Variants in NFATC1 observed in about 807,000 individuals in gnomAD.
NFATC1 encodes nuclear factor of activated T cells 1.
Under a neutral mutation model 76.0 loss-of-function variants are expected in NFATC1, and 22 were observed. That is an observed-to-expected ratio of 0.29 (90% confidence interval 0.21 to 0.41). NFATC1 has a LOEUF of 0.41. Among genes scored for constraint, NFATC1 ranks in the 10% least tolerant of loss-of-function variants. NFATC1 has a pLI of 1.00. For missense variants in NFATC1, 1,357 were observed against 1,337.7 expected (o/e 1.01, Z -0.23); for synonymous variants, 704 against 613.1 (o/e 1.15, Z -2.19).
chr18:79,404,341 TG>T (rs1471592619), intron 1 of NFATC1, among the ~76,000 whole-genome samples: 1 of 152,208 alleles, frequency 6.6e-6, no homozygotes, highest in Non-Finnish European at 1.5e-5. Flanking sequence ...GGCAGATTGT[TG>T]GGGGAACGGC....
At chr18:79,430,756 C>T (rs1465553388) in intron 2 of NFATC1, among the ~76,000 whole-genome samples, 1 of 151,002 alleles carries the variant, frequency 6.6e-6, no homozygotes, top group African/African-American at 2.4e-5. Flanking sequence ...GAGACGGGCA[C>T]CGCCTCGCAT....
chr18:79,469,452 G>A (rs1353423992), intron 8 of NFATC1: 9 of 985,296 alleles, frequency 9.1e-6, no homozygotes, highest in Admixed American at 6.2e-5. Context: ...CCCCAGGACC[G>A]TGGCCACAGC....
At chr18:79,429,144 C>T (rs534220331) in intron 2 of NFATC1, among the ~76,000 whole-genome samples, 8 of 150,818 alleles carry the variant, frequency 5.3e-5, no homozygotes, top group Non-Finnish European at 7.4e-5. Flanking sequence ...TTGCTTGAAC[C>T]TGGGAGGCGG....
chr18:79,464,003 C>T (rs1200532136), intron 7 of NFATC1, among the ~76,000 whole-genome samples: 2 of 152,218 alleles, frequency 1.3e-5, no homozygotes, highest in South Asian at 4.1e-4. Context: ...TGGCATATTT[C>T]GAGGGAAGCT....
intron 1 of NFATC1, among the ~76,000 whole-genome samples, chr18:79,402,760 C>T (rs1037704866): frequency 6.6e-6 from 1 of 152,224 alleles, no homozygotes; most frequent in Non-Finnish European, 1.5e-5. Flanking sequence ...GTGCTGTTTT[C>T]TCCTTTCTTT....
chr18:79,410,419 A>G lies in NFATC1; in HGVS notation c.144A>G (p.Ala48=). 3 of 1,610,268 alleles carry G rather than the reference A, an allele frequency of 1.9e-6. No homozygotes were observed. The highest frequency in any genetic ancestry group is 2.5e-6 in the Non-Finnish European group (3 of 1,179,034). The change falls in exon 2 of 10, where the codon GCA becomes GCG. Residue 48 remains alanine (A), a synonymous_variant. Coordinates refer to ENST00000427363, the MANE Select transcript of NFATC1 (RefSeq NM_001278669.2). The surrounding 1 kb of genome is among the most constrained non-coding windows in gnomAD (Gnocchi z 6.7). The part of the protein sequence containing the change: ...KSAEEEHYGY[A]SSNVSPALPL... ...TCTCTCTAGAACACTATGGCTATGC[A>G]TCCTCCAACGTCAGCCCCGCCCTGC...
At chr18:79,444,689 C>T (rs2087124495) in intron 3 of NFATC1, among the ~76,000 whole-genome samples, 2 of 152,002 alleles carry the variant, frequency 1.3e-5, no homozygotes, top group African/African-American at 2.4e-5. Flanking sequence ...ACGTGCCCGA[C>T]CCCGCAGACC....
chr18:79,438,541 G>A (rs2086861480), intron 3 of NFATC1, among the ~76,000 whole-genome samples: 1 of 152,230 alleles, frequency 6.6e-6, no homozygotes, highest in African/African-American at 2.4e-5. Context: ...ACGGGAGGCC[G>A]GGCTCGTGTG....
At chr18:79,432,443 C>CGGTCGGCGGGCCCTGGGT in intron 2 of NFATC1, among the ~76,000 whole-genome samples, 1 of 152,144 alleles carries the variant, frequency 6.6e-6, no homozygotes, top group African/African-American at 2.4e-5. Context: ...CCCTGGACTG[C>CGGTCGGCGGGCCCTGGGT]CTCTGCCCAC....
At chr18:79,463,562 G>A (rs1431608157) in intron 7 of NFATC1, among the ~76,000 whole-genome samples, 4 of 128,612 alleles carry the variant, frequency 3.1e-5, no homozygotes, top group Admixed American at 1.6e-4. Flanking sequence ...CTGGCCGGGC[G>A]TTTGCAACTG....
intron 8 of NFATC1, among the ~76,000 whole-genome samples, chr18:79,471,165 G>C (rs751940675): frequency 1.4e-4 from 21 of 152,206 alleles, no homozygotes; most frequent in Non-Finnish European, 1.5e-5. Context: ...CCCGGAAGGC[G>C]CGTTAGGAGG....
intron 4 of NFATC1, among the ~76,000 whole-genome samples, chr18:79,450,023 CAG>C (rs1370007454): frequency 1.3e-5 from 2 of 152,318 alleles, no homozygotes; most frequent in South Asian, 2.1e-4. Flanking sequence ...TTCCCGCAGA[CAG>C]GGCACAGTCA....
chr18:79,506,109 G>T (rs1053530697), intron 9 of NFATC1, among the ~76,000 whole-genome samples: 1 of 152,170 alleles, frequency 6.6e-6, no homozygotes, highest in Non-Finnish European at 1.5e-5. Context: ...GCAATGCCAC[G>T]TGCTTTTTAC....
chr18:79,509,922 C>T (rs1235495976), intron 9 of NFATC1, among the ~76,000 whole-genome samples: 1 of 152,254 alleles, frequency 6.6e-6, no homozygotes, highest in East Asian at 1.9e-4. Flanking sequence ...ACACTGAGCT[C>T]ACAGGCTGCT....
chr18:79,421,141 G>A (rs1430937978), intron 2 of NFATC1: 3 of 152,274 alleles, frequency 2.0e-5, no homozygotes, highest in Admixed American at 1.3e-4. Context: ...TGGAAGCCGT[G>A]ATGTGTGTCA....
At chr18:79,523,484 A>G (rs1431627223) in intron 9 of NFATC1, among the ~76,000 whole-genome samples, 2 of 152,282 alleles carry the variant, frequency 1.3e-5, no homozygotes, top group African/African-American at 4.8e-5. Flanking sequence ...TTGACTGAGA[A>G]AGGCGTCTCG....
At chr18:79,520,878 G>A (rs191905779) in intron 9 of NFATC1, among the ~76,000 whole-genome samples, 1,637 of 95,754 alleles carry the variant, frequency 0.017, 33 homozygotes, top group Admixed American at 0.028. Flanking sequence ...GCATCCACTG[G>A]TGTGTGTGTC....
chr18:79,456,232 G>A (rs952986565), intron 6 of NFATC1, among the ~76,000 whole-genome samples: 19 of 152,228 alleles, frequency 1.2e-4, no homozygotes, highest in Non-Finnish European at 1.8e-4. Flanking sequence ...GGCAGCTGCT[G>A]GTCCTATGCC....
Position 79,451,664 on chromosome 18 carries a change from C to T in NFATC1, c.1763-12C>T, listed in dbSNP as rs2087479983. ...AGGACAGGCCCTCACTGCCCCTCTC[C>T]TTCTGATGCAGCCCAGCGCTCAGCT... On this transcript the variant is annotated splice_polypyrimidine_tract_variant and intron_variant, in intron 5 of 9. Transcript: ENST00000427363. 2 of 1,581,228 alleles carry T rather than the reference C, an allele frequency of 1.3e-6. No homozygotes were observed. Among genetic ancestry groups the T allele is most frequent in the Non-Finnish European group, 1.7e-6 (2 of 1,162,100 alleles).
Sources: gnomAD v4.1 joint callset for allele counts (sites outside exome capture counted in the v4.1 genomes callset) on GRCh38, gnomAD v4.1.1 for gene constraint, Gnocchi (gnomAD v3.1) non-coding constraint, MANE v1.5 for transcripts, NCBI Gene and HGNC (gene_info 2026-07-23, HGNC 2026-07-21) for gene names.